CDC42BPB: variants seen among roughly 807,000 people sequenced by gnomAD.
CDC42BPB encodes the protein serine/threonine-protein kinase MRCK beta.
A neutral mutation model predicts 214.9 loss-of-function variants in CDC42BPB; 37 were observed. The observed-to-expected ratio is 0.17, with a 90% CI of 0.13 to 0.23. The LOEUF (loss-of-function observed/expected upper bound fraction) is 0.23, where lower values mean the gene tolerates loss of function less well. CDC42BPB is among the 10% of genes least tolerant of loss of function. The pLI, the probability that CDC42BPB is intolerant of heterozygous loss-of-function variation, is 1.00. For synonymous variants in CDC42BPB, 931 were observed against 884.0 expected, an observed-to-expected ratio of 1.05 and a Z score of -0.94; for missense variants, 1,694 against 2,227.0, an observed-to-expected ratio of 0.76 and a Z score of 4.82.
At chr14:102,953,128 C>T (rs1274535009) in intron 23 of CDC42BPB, among the ~76,000 whole-genome samples, 1 of 152,262 alleles carries the variant, frequency 6.6e-6, no homozygotes, top group Non-Finnish European at 1.5e-5. Context: ...AGCCCCAAGG[C>T]TGAACAGAGG....
intron 1 of CDC42BPB, among the ~76,000 whole-genome samples, chr14:103,021,820 G>A (rs1199214927): frequency 6.6e-6 from 1 of 152,174 alleles, no homozygotes; most frequent in Non-Finnish European, 1.5e-5. Context: ...TGGTGCAGGC[G>A]ATAGCAGTCT....
At chr14:103,018,843 G>T (rs1237754113) in intron 1 of CDC42BPB, among the ~76,000 whole-genome samples, 1 of 152,232 alleles carries the variant, frequency 6.6e-6, no homozygotes, top group Non-Finnish European at 1.5e-5. Flanking sequence ...AGCTTCCATG[G>T]GGATGGGGAG....
At chr14:103,026,659 C>A (rs1457604571) in intron 1 of CDC42BPB, among the ~76,000 whole-genome samples, 1 of 151,966 alleles carries the variant, frequency 6.6e-6, no homozygotes, top group Admixed American at 6.6e-5. Context: ...GTCAAGAGAT[C>A]GAGACCATCC....
chr14:102,951,118 A>G (rs1324126420), intron 24 of CDC42BPB, among the ~76,000 whole-genome samples: 1 of 152,216 alleles, frequency 6.6e-6, no homozygotes, highest in Non-Finnish European at 1.5e-5. Context: ...GCGCACAGGG[A>G]AAGGGCCCAT....
chr14:102,969,568 G>A (rs1893379190), intron 14 of CDC42BPB, among the ~76,000 whole-genome samples: 2 of 152,230 alleles, frequency 1.3e-5, no homozygotes, highest in South Asian at 4.1e-4. Context: ...TCACTGAGGC[G>A]AAGGGAGAGG....
intron 1 of CDC42BPB, among the ~76,000 whole-genome samples, chr14:103,035,748 G>A (rs1320876008): frequency 1.3e-5 from 2 of 152,062 alleles, no homozygotes; most frequent in African/African-American, 4.8e-5. Flanking sequence ...GCTGAGGCAG[G>A]AGAATGGCAT....
chr14:103,009,149 G>C (rs943981541), intron 2 of CDC42BPB, among the ~76,000 whole-genome samples: 3 of 152,156 alleles, frequency 2.0e-5, no homozygotes, highest in African/African-American at 7.2e-5. Context: ...CAGTGACAGC[G>C]GCTTCCATAC....
At chr14:103,030,389 C>A (rs1230396772) in intron 1 of CDC42BPB, among the ~76,000 whole-genome samples, 2 of 152,200 alleles carry the variant, frequency 1.3e-5, no homozygotes, top group African/African-American at 2.4e-5. Flanking sequence ...TTTATTTCAG[C>A]CTCAACAATT....
chr14:102,941,121 T>C (rs1486140483), intron 30 of CDC42BPB: 2 of 985,420 alleles, frequency 2.0e-6, no homozygotes, highest in Non-Finnish European at 2.4e-6. Context: ...CGTCTTCCGC[T>C]CAGTCCCTCT....
intron 1 of CDC42BPB, among the ~76,000 whole-genome samples, chr14:103,029,187 T>C (rs181098925): frequency 9.3e-4 from 142 of 152,346 alleles, no homozygotes; most frequent in Non-Finnish European, 1.5e-3. Context: ...AATAAGTATG[T>C]CTCTGGAAGA....
chr14:103,005,049 T>C (rs934947640), intron 3 of CDC42BPB, among the ~76,000 whole-genome samples: 3 of 151,318 alleles, frequency 2.0e-5, no homozygotes, highest in African/African-American at 7.3e-5. Context: ...GCGCCTGTAG[T>C]CCCAGCTACT....
At chr14:102,982,979 A>C (rs749784292) in intron 7 of CDC42BPB, among the ~76,000 whole-genome samples, 7 of 152,150 alleles carry the variant, frequency 4.6e-5, no homozygotes, top group Non-Finnish European at 1.0e-4. Flanking sequence ...AGGTGGAGAG[A>C]GGTGACATGG....
At chr14:103,039,320 A>G (rs7146323) in intron 1 of CDC42BPB, among the ~76,000 whole-genome samples, 34,829 of 149,464 alleles carry the variant, frequency 0.23, 5,206 homozygotes, top group Non-Finnish European at 0.33. Flanking sequence ...AAAGACATAC[A>G]AGGAAAGAAA....
chr14:103,014,165 CAAA>C lies in CDC42BPB; in HGVS notation c.176-1980_176-1978del, dbSNP rs1171233966. Among the ~76,000 whole-genome samples, 20 of 24,564 alleles carry C rather than the reference CAAA, an allele frequency of 8.1e-4. No individual in the cohort carries two copies. In the East Asian group the frequency reaches 0.022, roughly 26 times the overall value. 16.1% of individuals were successfully genotyped at this position (24,564 alleles called of 152,430 possible). A position where few individuals can be genotyped will look rare whatever the true frequency, so the allele number is the denominator to read the frequency against. ...TGGGCGACACAGCGAGACTCCGTCT[CAAA>C]AAAAAAAAAAAAAAAAAAGCTCCTA... On this transcript the variant is annotated intron_variant, in intron 1 of 36. Coordinates refer to ENST00000361246, the MANE Select transcript of CDC42BPB (RefSeq NM_006035.4).
At chr14:102,956,060 C>T (rs1208007524) in intron 21 of CDC42BPB, among the ~76,000 whole-genome samples, 6 of 152,288 alleles carry the variant, frequency 3.9e-5, no homozygotes, top group Middle Eastern at 6.8e-3. Context: ...TTAAGTGTTA[C>T]GGTTCCATCT....
intron 1 of CDC42BPB, among the ~76,000 whole-genome samples, chr14:103,051,605 G>C (rs1888612985): frequency 6.6e-6 from 1 of 152,228 alleles, no homozygotes; most frequent in Admixed American, 6.5e-5. Flanking sequence ...AGGCAGGGCG[G>C]AGGCAAGCAG....
chr14:102,950,180 C>T (rs1595458353), intron 25 of CDC42BPB: 1 of 858,920 alleles, frequency 1.2e-6, no homozygotes, highest in Non-Finnish European at 1.4e-6. Flanking sequence ...TAGAGGTGGG[C>T]CTGGCACAGT....
chr14:102,951,654 T>A (rs2139397043), intron 24 of CDC42BPB, among the ~76,000 whole-genome samples: 1 of 152,126 alleles, frequency 6.6e-6, no homozygotes, highest in East Asian at 1.9e-4. Context: ...CCAGGCATGG[T>A]GGCGTGGGCC....
chr14:103,020,448 C>T (rs990734627), intron 1 of CDC42BPB, among the ~76,000 whole-genome samples: 1 of 152,204 alleles, frequency 6.6e-6, no homozygotes, highest in Non-Finnish European at 1.5e-5. Flanking sequence ...TGCTGGAGCG[C>T]GGGGGCAGCT....
Sources: gnomAD v4.1 joint callset for allele counts (sites outside exome capture counted in the v4.1 genomes callset) on GRCh38, gnomAD v4.1.1 for gene constraint, MANE v1.5 for transcripts, NCBI Gene and HGNC (gene_info 2026-07-23, HGNC 2026-07-21) for gene names.